Variants in TMPO observed in about 807,000 individuals in gnomAD.
TMPO encodes thymopoietin.
A neutral mutation model predicts 45.4 loss-of-function variants in TMPO; 22 were observed. The observed-to-expected ratio is 0.48, with a 90% CI of 0.35 to 0.69. The LOEUF is 0.69. TMPO is among the 30% of genes least tolerant of loss of function. The pLI, the probability that TMPO is intolerant of heterozygous loss-of-function variation, is 0.01. For missense variants in TMPO, 512 were observed against 548.8 expected, an observed-to-expected ratio of 0.93 and a Z score of 0.67; for synonymous variants, 241 against 204.1, an observed-to-expected ratio of 1.18 and a Z score of -1.54.
At chr12:98,529,671 A>G (rs1457537971) in intron 2 of TMPO, among the ~76,000 whole-genome samples, 1 of 151,286 alleles carries the variant, frequency 6.6e-6, no homozygotes, top group African/African-American at 2.4e-5. Context: ...AAGCAGTCCC[A>G]CCTCAGCCTC....
chr12:98,518,537 T>G (rs1876074032), intron 1 of TMPO, among the ~76,000 whole-genome samples: 1 of 147,440 alleles, frequency 6.8e-6, no homozygotes, highest in African/African-American at 2.5e-5. Context: ...TCTAGAACTC[T>G]TGGCCTCAAG....
At chr12:98,516,383 G>T in intron 1 of TMPO, 1 of 1,199,900 alleles carries the variant, frequency 8.3e-7, no homozygotes, top group African/African-American at 1.6e-5. Context: ...GAGGTGTGGA[G>T]TTGCGTTGGC....
At chr12:98,539,119 G>A (rs1251630602) in intron 4 of TMPO, among the ~76,000 whole-genome samples, 1 of 152,080 alleles carries the variant, frequency 6.6e-6, no homozygotes, top group South Asian at 2.1e-4. Context: ...AGAATCGCTT[G>A]AACCTTGGAG....
intron 3 of TMPO, 83 bp from the exon 4 acceptor site, chr12:98,537,392 C>A: frequency 2.5e-6 from 3 of 1,192,296 alleles, no homozygotes; most frequent in East Asian, 2.5e-5. Context: ...TGCCTAAAAC[C>A]AGGGTTCCCG....
rs750825975 is a variant in TMPO, at chr12:98,515,895, G to A, written c.28G>A (p.Val10Ile). 9.3e-6 allele frequency: 15 copies of A among 1,613,756 alleles called. 1 individual carries two copies. In the South Asian group the frequency reaches 1.3e-4, roughly 14 times the overall value. Residue 10 changes from valine to isoleucine, a missense_variant, in exon 1 of 9, where the codon GTC (valine) becomes ATC (isoleucine). By Grantham distance (29) the Val-to-Ile change is conservative (BLOSUM62 3). Around this residue, in one of 3 missense-constraint regions of TMPO, gnomAD observed 299 missense variants for 296.7 expected, o/e 1.01. Coordinates refer to ENST00000556029, the MANE Select transcript of TMPO (RefSeq NM_001032283.3). MPEFLEDPSVLTKDKLKSEL... is the reference protein window; with the variant it reads MPEFLEDPSILTKDKLKSEL... ...GCCGGAGTTCCTGGAAGACCCCTCG[G>A]TCCTGACAAAAGACAAGTTGAAGAG...
At chr12:98,526,689 G>A (rs1441299112) in intron 1 of TMPO, among the ~76,000 whole-genome samples, 1 of 152,196 alleles carries the variant, frequency 6.6e-6, no homozygotes, top group Non-Finnish European at 1.5e-5. Flanking sequence ...GCCGGGCGCA[G>A]TGGCTCATGC....
chr12:98,547,814 C>T lies in TMPO; in HGVS notation c.1321C>T (p.Pro441Ser), dbSNP rs1878317123. 6.2e-7 allele frequency: 1 copy of T among 1,614,036 alleles called. No homozygotes were observed. Among genetic ancestry groups the T allele is most frequent in the Non-Finnish European group, 8.5e-7 (1 of 1,180,022 alleles). ...AGCTATGGAAACCAACCAAGTAAAT[C>T]CCTTCTCTAATTTTCTTCATGTTGA... Reference protein sequence around the residue: ...YQAMETNQVNPFSNFLHVDPR... With the variant: ...YQAMETNQVNSFSNFLHVDPR... The change falls in exon 9 of 9, where the codon CCC becomes TCC. Residue 441 changes from proline to serine, a missense_variant. Pro to Ser is a moderately conservative substitution (Grantham distance 74). This residue lies in a region of TMPO where 209 missense variants were observed against 235.1 expected (regional missense o/e 0.89). Transcript: ENST00000556029.
In TMPO at chr12:98,533,305, C is replaced by T. The variant is rs200124801; in HGVS notation, c.565+1467C>T. Reference sequence around the variant, plus strand: ...TCCTGAGAGGTCCCATATTTCAGATCAATCGCCTCTCTCCAGTAAAAGGAA... The same window carrying T: ...TCCTGAGAGGTCCCATATTTCAGATTAATCGCCTCTCTCCAGTAAAAGGAA... On this transcript the variant is annotated intron_variant, in intron 3 of 8. Transcript: ENST00000556029. 1.3e-5 allele frequency: 21 copies of T among 1,614,076 alleles called. No individual in the cohort carries two copies. In the Admixed American group the frequency reaches 2.7e-4, roughly 20 times the overall value.
At chr12:98,547,340 G>A (rs1181739572) in intron 8 of TMPO, among the ~76,000 whole-genome samples, 1 of 152,154 alleles carries the variant, frequency 6.6e-6, no homozygotes, top group Non-Finnish European at 1.5e-5. Context: ...CTCCCAAAGT[G>A]CTGGGATTGC....
chr12:98,530,655 A>G (rs951079891), intron 2 of TMPO, among the ~76,000 whole-genome samples: 6 of 152,218 alleles, frequency 3.9e-5, no homozygotes, highest in Admixed American at 1.3e-4. Flanking sequence ...TTTAACTGCA[A>G]AGTTGTTATA....
intron 1 of TMPO, 91 bp from the exon 2 acceptor site, chr12:98,527,795 A>C: frequency 1.4e-6 from 2 of 1,464,294 alleles, no homozygotes; most frequent in Admixed American, 1.7e-5. Context: ...CCAATTTGGT[A>C]GTGAGTTTGC....
chr12:98,519,395 C>G (rs906974313), intron 1 of TMPO, among the ~76,000 whole-genome samples: 1 of 152,024 alleles, frequency 6.6e-6, no homozygotes, highest in Non-Finnish European at 1.5e-5. Flanking sequence ...GAAGGGGTTT[C>G]GCCATGTTGG....
rs1348673420 is a variant in TMPO, at chr12:98,544,268, A to G, written c.702A>G (p.Thr234=). Residue 234 remains threonine, a synonymous_variant, in exon 5 of 9, where the codon ACA becomes ACG. Coordinates refer to ENST00000556029, the MANE Select transcript of TMPO (RefSeq NM_001032283.3). ...SQAGITETEW[T]SGSSKGGPLQ... ...CTGGAATAACTGAGACTGAATGGACAAGTGGATCTTCAAAAGGCGGACCTC... is the reference window on the plus strand; with the variant it reads ...CTGGAATAACTGAGACTGAATGGACGAGTGGATCTTCAAAAGGCGGACCTC... The G allele has an allele frequency of 2.0e-5, 32 of 1,613,874 alleles. No individual in the cohort carries two copies. Among genetic ancestry groups the G allele is most frequent in the Non-Finnish European group, 2.3e-5 (27 of 1,179,904 alleles).
intron 2 of TMPO, among the ~76,000 whole-genome samples, chr12:98,528,584 T>C (rs1278166186): frequency 6.6e-6 from 1 of 151,676 alleles, no homozygotes; most frequent in Non-Finnish European, 1.5e-5. Flanking sequence ...GCCACTTATA[T>C]CGTACTTCTG....
chr12:98,539,361 A>G (rs551497009), intron 4 of TMPO, among the ~76,000 whole-genome samples: 1 of 152,142 alleles, frequency 6.6e-6, no homozygotes, highest in South Asian at 2.1e-4. Flanking sequence ...TAAAACATGT[A>G]GAAGAGTGGA....
chr12:98,547,453 TCTA>T, intron 8 of TMPO, 117 bp from the exon 9 acceptor site: 1 of 1,204,488 alleles, frequency 8.3e-7, no homozygotes, highest in Non-Finnish European at 1.2e-6. Flanking sequence ...GTATCAATTT[TCTA>T]CTGTTACCTC....
chr12:98,546,211 CTAAATAA>C lies in TMPO; in HGVS notation c.991-144_991-138del. 6.0e-6 allele frequency: 4 copies of C among 666,738 alleles called. No homozygotes were observed. The South Asian group carries it at 6.6e-5, about 11-fold the overall frequency. The allele number at this position is 666,738 out of a possible 1,614,324, so 41.3% of individuals were successfully genotyped here. A position where few individuals can be genotyped will look rare whatever the true frequency, so the allele number is the denominator to read the frequency against. On this transcript the variant is annotated intron_variant, in intron 7 of 8. Coordinates refer to ENST00000556029, the MANE Select transcript of TMPO (RefSeq NM_001032283.3). ...GAGAGCCTTGGAAGCATGTGGATAC[CTAAATAA>C]TAATTTAGAAATGGCAGCTGTAAAA...
chr12:98,534,585 T>A, intron 3 of TMPO: 1 of 1,275,184 alleles, frequency 7.8e-7, no homozygotes, highest in Non-Finnish European at 1.0e-6. Flanking sequence ...TATTAGTCTC[T>A]AAGTTGTTTT....
At chr12:98,521,550 TTTTTA>T (rs1876367248) in intron 1 of TMPO, among the ~76,000 whole-genome samples, 1 of 152,228 alleles carries the variant, frequency 6.6e-6, no homozygotes, top group Non-Finnish European at 1.5e-5. Flanking sequence ...ATTTCTAAGC[TTTTTA>T]TTTTATGTAT....
Sources: gnomAD v4.1 joint callset for allele counts (sites outside exome capture counted in the v4.1 genomes callset) on GRCh38, gnomAD v4.1.1 for gene constraint, gnomAD v4.1.1 regional missense constraint, MANE v1.5 for transcripts, NCBI Gene and HGNC (gene_info 2026-07-23, HGNC 2026-07-21) for gene names.